NLGN1: variants seen among roughly 807,000 people sequenced by gnomAD.
NLGN1 encodes neuroligin-1.
A neutral mutation model predicts 65.5 loss-of-function variants in NLGN1; 12 were observed. The ratio of observed to expected loss-of-function variants is 0.18; its 90% CI spans 0.12 to 0.30. NLGN1 has a LOEUF of 0.30. Among genes scored for constraint, NLGN1 ranks in the 10% least tolerant of loss-of-function variants. The probability of loss-of-function intolerance (pLI) is 1.00; values close to 1 mark genes in which losing one functional copy is unlikely to be tolerated. For missense variants in NLGN1, 750 were observed against 1,007.1 expected (o/e 0.74, Z 3.46); for synonymous variants, 350 against 359.5 (o/e 0.97, Z 0.30).
At chr3:173,702,160 A>C (rs1578028769) in intron 3 of NLGN1, among the ~76,000 whole-genome samples, 5 of 146,456 alleles carry the variant, frequency 3.4e-5, no homozygotes, top group African/African-American at 2.5e-5. Context: ...AATGGCGTGA[A>C]CCCGGGAGGC....
At chr3:173,944,857 A>G (rs951211751) in intron 4 of NLGN1, among the ~76,000 whole-genome samples, 5 of 152,138 alleles carry the variant, frequency 3.3e-5, no homozygotes, top group Non-Finnish European at 7.3e-5. Flanking sequence ...GTATTCAGTA[A>G]TCATGATTTG....
In NLGN1 at chr3:174,026,293, T is replaced by A. The variant is rs147160320; in HGVS notation, c.646+218461T>A. The stretch of plus-strand genomic sequence containing the variant: ...AGACATGTGCCACCATGCCAGCTAA[T>A]TTTTGTATTTTTTGTAGAGACAGGG... On this transcript the variant is annotated intron_variant, in intron 4 of 6. Coordinates refer to ENST00000457714, the Ensembl canonical transcript of NLGN1. Among the ~76,000 whole-genome samples, 942 of 152,086 alleles carry A rather than the reference T, an allele frequency of 6.2e-3. 13 individuals carry two copies. Among genetic ancestry groups the A allele is most frequent in the African/African-American group, 0.021 (884 of 41,504 alleles).
At chr3:173,727,842 A>T (rs1210710248) in intron 3 of NLGN1, among the ~76,000 whole-genome samples, 1 of 152,172 alleles carries the variant, frequency 6.6e-6, no homozygotes, top group Non-Finnish European at 1.5e-5. Context: ...CTTGCAATCA[A>T]AAAGAAGTAC....
At chr3:173,476,519 T>C (rs1475459441) in intron 2 of NLGN1, among the ~76,000 whole-genome samples, 1 of 152,128 alleles carries the variant, frequency 6.6e-6, no homozygotes, top group African/African-American at 2.4e-5. Flanking sequence ...ACGACCAGAA[T>C]TGGTAAAGGT....
intron 2 of NLGN1, among the ~76,000 whole-genome samples, chr3:173,441,614 T>C (rs1049212521): frequency 5.3e-5 from 8 of 152,168 alleles, no homozygotes; most frequent in Non-Finnish European, 8.8e-5. Flanking sequence ...GTCAGTTAAG[T>C]CTGCCATCTT....
At chr3:174,063,565 G>T (rs1004109574) in intron 4 of NLGN1, among the ~76,000 whole-genome samples, 5 of 151,898 alleles carry the variant, frequency 3.3e-5, no homozygotes, top group African/African-American at 1.2e-4. Context: ...GACAACATTT[G>T]CACAAAGGAT....
intron 2 of NLGN1, among the ~76,000 whole-genome samples, chr3:173,447,718 T>C (rs1250375675): frequency 6.6e-6 from 1 of 152,236 alleles, no homozygotes; most frequent in Non-Finnish European, 1.5e-5. Context: ...CATTTGTTTG[T>C]ATCCTCTTTT....
intron 4 of NLGN1, among the ~76,000 whole-genome samples, chr3:174,243,885 G>T (rs919112718): frequency 2.0e-5 from 3 of 152,124 alleles, no homozygotes; most frequent in Non-Finnish European, 2.9e-5. Context: ...AGAAGTCAAA[G>T]AGCTCACCCC....
chr3:173,918,657 CAT>C lies in NLGN1; in HGVS notation c.646+110828_646+110829del, dbSNP rs1387328499. Reference sequence around the variant, plus strand: ...AAAAAAAAAAAAAAAAAAAGAAATACATATGTGTGTGTGTGTGTGTGTGTGTG... The same window carrying C: ...AAAAAAAAAAAAAAAAAAAGAAATACATGTGTGTGTGTGTGTGTGTGTGTG... On this transcript the variant is annotated intron_variant, in intron 4 of 6. Transcript: ENST00000457714. Among the ~76,000 whole-genome samples the C allele has an allele frequency of 5.1e-3, 473 of 93,070 alleles. 2 individuals are homozygous for C. Among genetic ancestry groups the C allele is most frequent in the African/African-American group, 9.8e-3 (232 of 23,640 alleles). 61.1% of individuals were successfully genotyped at this position (93,070 alleles called of 152,430 possible). A position where few individuals can be genotyped will look rare whatever the true frequency, so the allele number is the denominator to read the frequency against.
At chr3:173,878,437 T>A (rs921051657) in intron 4 of NLGN1, among the ~76,000 whole-genome samples, 39 of 152,108 alleles carry the variant, frequency 2.6e-4, no homozygotes, top group Non-Finnish European at 5.1e-4. Flanking sequence ...TCTGCATTAT[T>A]TTTAATATGA....
exon 7 of NLGN1, chr3:174,285,164 G>A (rs1029728399): frequency 2.0e-5 from 3 of 151,356 alleles, no homozygotes; most frequent in Admixed American, 1.3e-4. Context: ...TTTCTTTGGC[G>A]AGTTTCACTG....
intron 3 of NLGN1, among the ~76,000 whole-genome samples, chr3:173,639,687 C>T: frequency 6.6e-6 from 1 of 152,096 alleles, no homozygotes; most frequent in South Asian, 2.1e-4. Context: ...TGAGAGTCTC[C>T]CAGAGAAAAG....
chr3:173,674,662 A>G (rs1048698448), intron 3 of NLGN1, among the ~76,000 whole-genome samples: 1 of 152,176 alleles, frequency 6.6e-6, no homozygotes, highest in Non-Finnish European at 1.5e-5. Flanking sequence ...AATTAATTAC[A>G]TCAATAGTAT....
intron 4 of NLGN1, among the ~76,000 whole-genome samples, chr3:173,961,123 A>G (rs1029701376): frequency 2.0e-5 from 3 of 152,010 alleles, no homozygotes; most frequent in East Asian, 1.9e-4. Flanking sequence ...TTATTTTGCT[A>G]TTTCCTATGT....
chr3:173,451,279 G>T (rs778799218), intron 2 of NLGN1, among the ~76,000 whole-genome samples: 1 of 152,176 alleles, frequency 6.6e-6, no homozygotes, highest in East Asian at 1.9e-4. Context: ...CCTTTTAACA[G>T]TCAGGACCCT....
At chr3:173,599,821 T>C (rs1203423397) in intron 2 of NLGN1, among the ~76,000 whole-genome samples, 3 of 152,106 alleles carry the variant, frequency 2.0e-5, no homozygotes, top group African/African-American at 7.2e-5. Flanking sequence ...TTACAGCACG[T>C]TTACCATCAT....
chr3:174,143,733 GT>G (rs1722703829), intron 4 of NLGN1, among the ~76,000 whole-genome samples: 1 of 152,054 alleles, frequency 6.6e-6, no homozygotes, highest in Non-Finnish European at 1.5e-5. Flanking sequence ...CCTTCAATGT[GT>G]TTATTTTCTT....
intron 4 of NLGN1, among the ~76,000 whole-genome samples, chr3:173,890,108 C>A (rs1216676465): frequency 6.6e-6 from 1 of 152,010 alleles, no homozygotes; most frequent in African/African-American, 2.4e-5. Context: ...CTGTTAAGAG[C>A]AATGAATAGA....
intron 4 of NLGN1, among the ~76,000 whole-genome samples, chr3:173,880,899 C>T (rs974231357): frequency 6.6e-6 from 1 of 152,074 alleles, no homozygotes; most frequent in East Asian, 1.9e-4. Flanking sequence ...TCAAAATGTA[C>T]CACAGCTAAG....
Sources: gnomAD v4.1 joint callset for allele counts (sites outside exome capture counted in the v4.1 genomes callset) on GRCh38, gnomAD v4.1.1 for gene constraint, MANE v1.5 for transcripts, NCBI Gene and HGNC (gene_info 2026-07-23, HGNC 2026-07-21) for gene names.